Variants in ARHGAP31 observed in about 807,000 individuals in gnomAD.
ARHGAP31 encodes the protein rho GTPase-activating protein 31.
Under a neutral mutation model 113.9 loss-of-function variants are expected in ARHGAP31, and 34 were observed. That is an observed-to-expected ratio of 0.30 (90% CI 0.23 to 0.40). ARHGAP31 has a LOEUF of 0.40. Among genes scored for constraint, ARHGAP31 ranks in the 10% least tolerant of loss-of-function variants. The pLI is 1.00. For missense variants in ARHGAP31, 1,548 were observed against 1,767.1 expected (o/e 0.88, Z 2.22); for synonymous variants, 650 against 684.8 (o/e 0.95, Z 0.79).
chr3:119,407,596 T>G (rs2080675427), intron 10 of ARHGAP31, among the ~76,000 whole-genome samples: 1 of 152,100 alleles, frequency 6.6e-6, no homozygotes, highest in Non-Finnish European at 1.5e-5. Flanking sequence ...CTAATAAAAG[T>G]AGTTATCTAT....
At chr3:119,336,737 A>G (rs1255065852) in intron 1 of ARHGAP31, among the ~76,000 whole-genome samples, 1 of 152,188 alleles carries the variant, frequency 6.6e-6, no homozygotes, top group Non-Finnish European at 1.5e-5. Context: ...TACAACAATG[A>G]CCACAATCAA....
intron 2 of ARHGAP31, 101 bp from the exon 3 acceptor site, chr3:119,368,271 A>G: frequency 6.9e-7 from 1 of 1,448,754 alleles, no homozygotes; most frequent in African/African-American, 1.4e-5. Flanking sequence ...TATAGTCAGA[A>G]TCAGCAGTTT....
At chr3:119,390,543 A>C (rs983109919) in intron 6 of ARHGAP31, among the ~76,000 whole-genome samples, 2 of 152,210 alleles carry the variant, frequency 1.3e-5, no homozygotes, top group African/African-American at 4.8e-5. Flanking sequence ...TCCCTCTCTG[A>C]AAAGTATGGA....
intron 3 of ARHGAP31, among the ~76,000 whole-genome samples, chr3:119,379,174 A>G (rs968209814): frequency 2.0e-5 from 3 of 152,254 alleles, no homozygotes; most frequent in African/African-American, 7.2e-5. Context: ...TGTTCTGGAC[A>G]CAGGGATTCA....
chr3:119,369,953 T>TA (rs75461100), intron 3 of ARHGAP31, among the ~76,000 whole-genome samples: 10,095 of 146,944 alleles, frequency 0.069, 444 homozygotes, highest in South Asian at 0.1. Flanking sequence ...AATGAAGATT[T>TA]AAAAAAAAAA....
chr3:119,389,845 A>AT (rs2080488717), intron 6 of ARHGAP31, among the ~76,000 whole-genome samples: 1 of 152,212 alleles, frequency 6.6e-6, no homozygotes, highest in African/African-American at 2.4e-5. Context: ...AACTTAGACT[A>AT]TTTTTTAACT....
intron 7 of ARHGAP31, 34 bp downstream of exon 7, chr3:119,391,017 T>C (rs1197762652): frequency 1.2e-6 from 2 of 1,607,006 alleles, no homozygotes; most frequent in East Asian, 2.2e-5. Flanking sequence ...TTCTAGGAGA[T>C]GTGTGGTTGA....
chr3:119,364,599 C>A (rs1056230988), intron 1 of ARHGAP31, among the ~76,000 whole-genome samples: 2 of 152,136 alleles, frequency 1.3e-5, no homozygotes, highest in Admixed American at 1.3e-4. Flanking sequence ...TGCTGGGCCC[C>A]ACCCCAAAAT....
chr3:119,399,297 A>C, intron 9 of ARHGAP31, 36 bp downstream of exon 9: 2 of 1,545,710 alleles, frequency 1.3e-6, no homozygotes, highest in Non-Finnish European at 1.8e-6. Flanking sequence ...GTTGGAGATT[A>C]CAACTAGGAG....
rs369125201 is a variant in ARHGAP31, at chr3:119,413,968, G to A, written c.2039G>A (p.Ser680Asn). 17 of 1,614,062 alleles carry A rather than the reference G, an allele frequency of 1.1e-5. No homozygotes were observed. The African/African-American group carries it at 2.3e-4, about 22-fold the overall frequency. Reference sequence around the variant, plus strand: ...TTGCCACCTCCTGCTCTGAAGACCAGCCCAATTCAGCCTATTCTCGAGTCG... The same window carrying A: ...TTGCCACCTCCTGCTCTGAAGACCAACCCAATTCAGCCTATTCTCGAGTCG... ...SSLPPPALKT[S>N]PIQPILESSL... The change falls in exon 12 of 12, where the codon AGC becomes AAC. Residue 680 changes from serine to asparagine, a missense_variant. By Grantham distance (46) the Ser-to-Asn change is conservative. Coordinates refer to ENST00000264245, the MANE Select transcript of ARHGAP31 (RefSeq NM_020754.4).
At chr3:119,394,061 A>C (rs1342186568) in intron 8 of ARHGAP31, among the ~76,000 whole-genome samples, 1 of 152,224 alleles carries the variant, frequency 6.6e-6, no homozygotes, top group Non-Finnish European at 1.5e-5. Flanking sequence ...GTTTAGTAGA[A>C]TATACCTCAG....
chr3:119,391,589 A>ACCC (rs368549202), intron 7 of ARHGAP31, among the ~76,000 whole-genome samples: 6 of 103,750 alleles, frequency 5.8e-5, no homozygotes, highest in South Asian at 8.1e-4. Context: ...CTGGGTCTCT[A>ACCC]CCCCCCCCTC....
chr3:119,335,929 T>G (rs1243981617), intron 1 of ARHGAP31, among the ~76,000 whole-genome samples: 3 of 152,154 alleles, frequency 2.0e-5, no homozygotes, highest in Non-Finnish European at 1.5e-5. Flanking sequence ...TCCCAGCATT[T>G]TGGGAGGCCA....
At position 119,418,714 on chromosome 3, in the gene ARHGAP31, C is replaced by T. The variant is rs908301609; in HGVS notation, c.*2450C>T. 1.3e-5 allele frequency: 2 copies of T among 152,186 alleles called. No homozygotes were observed. Among genetic ancestry groups the T allele is most frequent in the African/African-American group, 4.8e-5 (2 of 41,424 alleles). The allele number at this position is 152,186 out of a possible 1,614,324, so 9.4% of individuals were successfully genotyped here. ...GGTTGCAAGATCTTTTAGACTCTGA[C>T]ATTTATAGCATCACCTTCAGGAACA... On this transcript the variant is annotated 3_prime_UTR_variant, in exon 12 of 12. Coordinates refer to ENST00000264245, the MANE Select transcript of ARHGAP31 (RefSeq NM_020754.4).
At chr3:119,391,593 C>G in intron 7 of ARHGAP31, among the ~76,000 whole-genome samples, 1 of 93,680 alleles carries the variant, frequency 1.1e-5, no homozygotes, top group African/African-American at 5.4e-5. Flanking sequence ...GTCTCTACCC[C>G]CCCCTCCCCC....
chr3:119,354,269 G>A (rs2080136733), intron 1 of ARHGAP31, among the ~76,000 whole-genome samples: 1 of 152,000 alleles, frequency 6.6e-6, no homozygotes, highest in South Asian at 2.1e-4. Flanking sequence ...TTAGAACTTG[G>A]GTCACTGATT....
At chr3:119,384,492 A>ATC (rs1489223558) in intron 6 of ARHGAP31, among the ~76,000 whole-genome samples, 1 of 152,200 alleles carries the variant, frequency 6.6e-6, no homozygotes, top group Non-Finnish European at 1.5e-5. Context: ...AGAGGCTGGG[A>ATC]AGTCCAGAAT....
At position 119,399,195 on chromosome 3, in the gene ARHGAP31, T is replaced by G; in HGVS notation, c.1007-4T>G. 3.1e-6 allele frequency: 5 copies of G among 1,613,070 alleles called. No individual in the cohort carries two copies. In the South Asian group the frequency reaches 5.5e-5, roughly 18 times the overall value. On this transcript the variant is annotated splice_region_variant and splice_polypyrimidine_tract_variant and intron_variant, in intron 8 of 11. Transcript: ENST00000264245. ...ATCAAGGATATTTTTTCTTTTGTCT[T>G]TAGTGGAAAAGGCTACTATCCGACC... is the stretch of plus-strand genomic sequence containing the variant.
intron 6 of ARHGAP31, among the ~76,000 whole-genome samples, chr3:119,389,750 A>T (rs1195364843): frequency 6.6e-6 from 1 of 152,220 alleles, no homozygotes; most frequent in East Asian, 1.9e-4. Context: ...AAGTAATTTC[A>T]ATTGGTCTAA....
Sources: allele counts gnomAD v4.1 joint callset (sites outside exome capture counted in the v4.1 genomes callset), GRCh38; gene constraint gnomAD v4.1.1; transcripts MANE v1.5; gene names NCBI Gene and HGNC (gene_info 2026-07-23, HGNC 2026-07-21).